The following SNAP91 variants were observed in gnomAD, a reference collection of about 807,000 sequenced individuals.
SNAP91 encodes the protein synaptosome associated protein 91.
SNAP91 carries 27 observed loss-of-function variants against 100.3 expected under a neutral mutation model. The observed-to-expected ratio is 0.27, with a 90% CI of 0.20 to 0.37. The LOEUF is 0.37. Ranked by LOEUF, SNAP91 falls within the 10% of genes least tolerant of loss-of-function variation. The probability of loss-of-function intolerance (pLI) is 1.00; values close to 1 mark genes in which losing one functional copy is unlikely to be tolerated. For missense variants in SNAP91, 986 were observed against 1,123.7 expected (o/e 0.88, Z 1.75); for synonymous variants, 404 against 398.6 (o/e 1.01, Z -0.16).
intron 2 of SNAP91, among the ~76,000 whole-genome samples, chr6:83,685,338 A>G (rs931130570): frequency 6.6e-6 from 1 of 152,230 alleles, no homozygotes; most frequent in African/African-American, 2.4e-5. Flanking sequence ...AGTAGCAGGA[A>G]CAATGCCTGC....
Position 83,656,295 on chromosome 6 carries a change from C to T in SNAP91, c.658+459G>A, listed in dbSNP as rs576608892. Among the ~76,000 whole-genome samples, 4 of 152,144 alleles carry T rather than the reference C, an allele frequency of 2.6e-5. No homozygotes were observed. The East Asian group carries it at 5.8e-4, about 22-fold the overall frequency. Reference sequence around the variant, plus strand: ...AAAAAGGCTCTTTCTAATCAGAGGGCGGCTAAGAGAACTCTATAGGAAGTG... The same window carrying T: ...AAAAAGGCTCTTTCTAATCAGAGGGTGGCTAAGAGAACTCTATAGGAAGTG... On this transcript the variant is annotated intron_variant, in intron 7 of 29. Transcript: ENST00000369694.
chr6:83,702,430 A>G (rs2099325927), intron 2 of SNAP91, among the ~76,000 whole-genome samples: 1 of 152,232 alleles, frequency 6.6e-6, no homozygotes, highest in Non-Finnish European at 1.5e-5. Flanking sequence ...AGAGAGGTCC[A>G]TGGCAACTAA....
At chr6:83,691,467 G>A (rs1367857114) in intron 2 of SNAP91, among the ~76,000 whole-genome samples, 1 of 151,672 alleles carries the variant, frequency 6.6e-6, no homozygotes, top group Non-Finnish European at 1.5e-5. Context: ...AATGTATATC[G>A]AGATTCACCA....
intron 8 of SNAP91, among the ~76,000 whole-genome samples, chr6:83,623,786 T>C (rs954292701): frequency 6.6e-6 from 1 of 152,124 alleles, no homozygotes. Context: ...GTTTCTTATG[T>C]ATCCTTTCAG....
rs183378411 is a variant in SNAP91 at position 83,583,287 on chromosome 6, G to A, written c.2015-931C>T. Among the ~76,000 whole-genome samples, 139 of 152,116 alleles carry A rather than the reference G, an allele frequency of 9.1e-4. 1 individual carries two copies. Among genetic ancestry groups the A allele is most frequent in the Middle Eastern group, 3.4e-3 (1 of 294 alleles). On this transcript the variant is annotated intron_variant, in intron 22 of 29. Coordinates refer to ENST00000369694, the MANE Select transcript of SNAP91 (RefSeq NM_001242792.2). ...TACATGTATCTATCCCCACTGCCCC[G>A]ACTCCAACCCCAGATGGCTTTTTGA...
chr6:83,597,210 G>A (rs996298233), intron 16 of SNAP91, among the ~76,000 whole-genome samples: 63 of 152,216 alleles, frequency 4.1e-4, no homozygotes, highest in Admixed American at 1.7e-3. Context: ...TCCTAGCCCC[G>A]AAGGAGACAT....
intron 26 of SNAP91, among the ~76,000 whole-genome samples, chr6:83,572,541 C>T (rs1005410770): frequency 3.3e-5 from 5 of 152,112 alleles, no homozygotes; most frequent in South Asian, 2.1e-4. Flanking sequence ...CATGAGCCAC[C>T]GTGCCCAGCC....
chr6:83,695,114 A>G (rs751428616), intron 2 of SNAP91, among the ~76,000 whole-genome samples: 20 of 151,826 alleles, frequency 1.3e-4, no homozygotes, highest in Non-Finnish European at 5.9e-5. Context: ...TCTACTAAAA[A>G]TAAAATAAAA....
chr6:83,624,886 T>A (rs1040731037), intron 8 of SNAP91, among the ~76,000 whole-genome samples: 1 of 152,140 alleles, frequency 6.6e-6, no homozygotes, highest in African/African-American at 2.4e-5. Flanking sequence ...TATTTCTTTT[T>A]AAAAATTTTC....
chr6:83,586,191 C>T (rs1378547883), intron 22 of SNAP91, among the ~76,000 whole-genome samples: 1 of 152,198 alleles, frequency 6.6e-6, no homozygotes, highest in Admixed American at 6.5e-5. Flanking sequence ...GACACTTCCA[C>T]ACAGGATGAT....
intron 16 of SNAP91, among the ~76,000 whole-genome samples, chr6:83,600,189 C>A (rs1205245875): frequency 3.3e-5 from 5 of 152,178 alleles, no homozygotes; most frequent in Non-Finnish European, 7.3e-5. Flanking sequence ...CAGAAAATGT[C>A]TTTTGTGCAG....
intron 2 of SNAP91, among the ~76,000 whole-genome samples, chr6:83,668,668 C>T (rs773147722): frequency 5.9e-5 from 9 of 152,020 alleles, no homozygotes; most frequent in East Asian, 1.9e-4. Flanking sequence ...CATCACACAC[C>T]GGGGCCTGTT....
At chr6:83,612,416 T>C (rs1208408488) in intron 11 of SNAP91, among the ~76,000 whole-genome samples, 1 of 152,064 alleles carries the variant, frequency 6.6e-6, no homozygotes, top group Admixed American at 6.6e-5. Context: ...TAAATCTAAA[T>C]AAAAATTCAA....
intron 2 of SNAP91, among the ~76,000 whole-genome samples, chr6:83,706,652 GCCATTTTC>G (rs2129077917): frequency 6.6e-6 from 1 of 152,326 alleles, no homozygotes; most frequent in Non-Finnish European, 1.5e-5. Flanking sequence ...TGACACTGGT[GCCATTTTC>G]TTAGCTGCAC....
chr6:83,701,279 A>G (rs1329839798), intron 2 of SNAP91, among the ~76,000 whole-genome samples: 1 of 152,136 alleles, frequency 6.6e-6, no homozygotes, highest in East Asian at 1.9e-4. Context: ...AAAGATAGAG[A>G]TGACAGAGAG....
Position 83,688,504 on chromosome 6 carries a change from CT to C in SNAP91, c.130+19293del, listed in dbSNP as rs1386310059. Among the ~76,000 whole-genome samples the C allele has an allele frequency of 2.6e-3, 336 of 131,318 alleles. 2 individuals carry two copies. Among genetic ancestry groups the C allele is most frequent in the Admixed American group, 6.2e-3 (81 of 12,972 alleles). The allele number at this position is 131,318 out of a possible 152,430, so 86.1% of individuals were successfully genotyped here. A position where few individuals can be genotyped will look rare whatever the true frequency, so the allele number is the denominator to read the frequency against. ...TCCCTCAATACTCAGCCAAACATCA[CT>C]TTTTTTTTTTTTTTTTTGAGATTGA... On this transcript the variant is annotated intron_variant, in intron 2 of 29. Coordinates refer to ENST00000369694, the MANE Select transcript of SNAP91 (RefSeq NM_001242792.2).
At chr6:83,608,796 AAT>A (rs201975596) in intron 12 of SNAP91, among the ~76,000 whole-genome samples, 1,549 of 152,326 alleles carry the variant, frequency 0.01, 20 homozygotes, top group African/African-American at 0.035. Flanking sequence ...GTCAAAATTC[AAT>A]AGTTATGCAA....
At chr6:83,556,687 T>C (rs1029321410) in intron 28 of SNAP91, among the ~76,000 whole-genome samples, 2 of 152,180 alleles carry the variant, frequency 1.3e-5, no homozygotes, top group African/African-American at 4.8e-5. Flanking sequence ...AAACAACCGT[T>C]TTCTCTATAC....
chr6:83,668,900 G>T (rs1446435802), intron 2 of SNAP91, among the ~76,000 whole-genome samples: 5 of 152,004 alleles, frequency 3.3e-5, no homozygotes, highest in African/African-American at 1.2e-4. Context: ...CCCACTGTGA[G>T]TTGAAAATAT....
Sources: gnomAD v4.1 joint callset for allele counts (sites outside exome capture counted in the v4.1 genomes callset) on GRCh38, gnomAD v4.1.1 for gene constraint, MANE v1.5 for transcripts, NCBI Gene and HGNC (gene_info 2026-07-23, HGNC 2026-07-21) for gene names.